The following SPATA6 variants were observed in gnomAD, a reference collection of about 807,000 sequenced individuals.
SPATA6 encodes spermatogenesis associated 6, also known as spermatogenesis-associated protein 6.
In SPATA6, 56 loss-of-function variants were observed where a neutral mutation model predicts 65.3. The observed-to-expected ratio is 0.86, with a 90% CI of 0.69 to 1.07. SPATA6 has a LOEUF of 1.07. Among genes scored for constraint, SPATA6 ranks in the 50% least tolerant of loss-of-function variants. SPATA6 has a pLI of 0.00. For missense variants in SPATA6, 590 were observed against 594.8 expected (o/e 0.99, Z 0.08); for synonymous variants, 199 against 213.2 (o/e 0.93, Z 0.58).
intron 11 of SPATA6, among the ~76,000 whole-genome samples, chr1:48,307,470 A>C (rs1207166346): frequency 6.6e-6 from 1 of 150,432 alleles, no homozygotes; most frequent in East Asian, 1.9e-4. Context: ...GAGTCCCTGT[A>C]TAGATTATTT....
Position 48,298,316 on chromosome 1 carries a change from T to C in SPATA6, c.*397A>G. On this transcript the variant is annotated 3_prime_UTR_variant, in exon 13 of 13. Transcript: ENST00000371847. The stretch of plus-strand genomic sequence containing the variant: ...ACCAAGAAAAGGTAGTCAATATTAA[T>C]TAAATCTTACACAGGCAAGATAACC... 1 of 154,228 alleles carries C rather than the reference T, an allele frequency of 6.5e-6. No homozygotes were observed. 9.6% of individuals were successfully genotyped at this position (154,228 alleles called of 1,614,324 possible). A position where few individuals can be genotyped will look rare whatever the true frequency, so the allele number is the denominator to read the frequency against.
intron 11 of SPATA6, among the ~76,000 whole-genome samples, chr1:48,340,814 C>T (rs1453489812): frequency 2.0e-5 from 3 of 151,858 alleles, no homozygotes; most frequent in Non-Finnish European, 4.4e-5. Flanking sequence ...AGTAAAAGGA[C>T]GAAAAAGAAA....
At chr1:48,286,990 G>C in the SPATA6 span, among the ~76,000 whole-genome samples, 1 of 146,114 alleles carries the variant, frequency 6.8e-6, no homozygotes. Context: ...AGTGAGCCGA[G>C]ATCACGCCAC....
At chr1:48,262,356 A>G in the SPATA6 span, 1 of 152,172 alleles carries the variant, frequency 6.6e-6, no homozygotes, top group Admixed American at 6.5e-5. Flanking sequence ...AAATGGCACC[A>G]AGGCTAAAAT....
intron 8 of SPATA6, among the ~76,000 whole-genome samples, chr1:48,392,865 T>C (rs1319686062): frequency 6.6e-6 from 1 of 151,622 alleles, no homozygotes; most frequent in Admixed American, 6.6e-5. Context: ...AAATGGTTGA[T>C]GAGAACCCAG....
Position 48,411,497 on chromosome 1 carries a change from G to T in SPATA6, c.372C>A (p.Arg124=). ...NQMSGHHDSN[R]QVTMRRISGL... is the part of the protein sequence containing the mutation. Reference sequence around the variant, plus strand: ...CAGAAATCCTCCTCATGGTAACCTGGCGGTTTGAATCATGGTGTCCAGACA... The same window carrying T: ...CAGAAATCCTCCTCATGGTAACCTGTCGGTTTGAATCATGGTGTCCAGACA... The change falls in exon 5 of 13, where the codon CGC becomes CGA. Residue 124 remains arginine (R), a synonymous_variant. Coordinates refer to ENST00000371847, the MANE Select transcript of SPATA6 (RefSeq NM_019073.4). 1 of 1,609,686 alleles carries T rather than the reference G, an allele frequency of 6.2e-7. No individual in the cohort carries two copies. The highest frequency in any genetic ancestry group is 8.5e-7 in the Non-Finnish European group (1 of 1,178,180).
chr1:48,280,470 A>G, the SPATA6 span, among the ~76,000 whole-genome samples: 1 of 152,208 alleles, frequency 6.6e-6, no homozygotes, highest in East Asian at 1.9e-4. Flanking sequence ...AGAAGAATCA[A>G]ATAGATGCAA....
intron 8 of SPATA6, among the ~76,000 whole-genome samples, chr1:48,392,241 G>C (rs559953272): frequency 1.3e-5 from 2 of 152,030 alleles, no homozygotes; most frequent in Non-Finnish European, 2.9e-5. Context: ...ACTCATAAAA[G>C]AATCTTCAAA....
intron 3 of SPATA6, chr1:48,437,039 C>G (rs373367634): frequency 2.9e-5 from 46 of 1,604,936 alleles, no homozygotes; most frequent in Middle Eastern, 3.3e-4. Flanking sequence ...GAGAAAAGGC[C>G]ATCAGCAAGC....
intron 6 of SPATA6, among the ~76,000 whole-genome samples, chr1:48,400,056 G>C (rs1292943492): frequency 6.6e-6 from 1 of 151,870 alleles, no homozygotes; most frequent in Non-Finnish European, 1.5e-5. Flanking sequence ...ATACATGCCA[G>C]ATTAGTTGAT....
intron 9 of SPATA6, among the ~76,000 whole-genome samples, chr1:48,380,877 C>T (rs748676259): frequency 6.6e-6 from 1 of 152,238 alleles, no homozygotes; most frequent in East Asian, 1.9e-4. Flanking sequence ...AAACACTATA[C>T]AGCAGCAGTC....
chr1:48,443,340 T>C (rs1485567005), intron 3 of SPATA6, among the ~76,000 whole-genome samples: 1 of 152,214 alleles, frequency 6.6e-6, no homozygotes, highest in East Asian at 1.9e-4. Flanking sequence ...ACCCTATCAG[T>C]GCCCCACAAA....
intron 11 of SPATA6, among the ~76,000 whole-genome samples, chr1:48,324,008 G>C (rs12563140): frequency 6.6e-6 from 1 of 152,060 alleles, no homozygotes; most frequent in Middle Eastern, 3.4e-3. Flanking sequence ...GGAGGACAGC[G>C]GTGTGATCAC....
intron 11 of SPATA6, among the ~76,000 whole-genome samples, chr1:48,327,441 A>G (rs1645796858): frequency 6.6e-6 from 1 of 152,184 alleles, no homozygotes; most frequent in African/African-American, 2.4e-5. Context: ...GTATGGTGAC[A>G]TGTTAAAGAA....
chr1:48,420,045 T>C (rs1210091598), intron 3 of SPATA6, among the ~76,000 whole-genome samples: 1 of 151,836 alleles, frequency 6.6e-6, no homozygotes, highest in African/African-American at 2.4e-5. Flanking sequence ...ATGATTAGAG[T>C]TGGGACTTGC....
chr1:48,349,759 G>C (rs1646466940), intron 11 of SPATA6, among the ~76,000 whole-genome samples: 1 of 151,786 alleles, frequency 6.6e-6, no homozygotes, highest in South Asian at 2.1e-4. Flanking sequence ...TTTCACTTAA[G>C]CTGTATTTAA....
chr1:48,264,038 A>T, the SPATA6 span, among the ~76,000 whole-genome samples: 1 of 152,260 alleles, frequency 6.6e-6, no homozygotes, highest in East Asian at 1.9e-4. Context: ...TATGTTGCCC[A>T]GGCTAGTATT....
At chr1:48,311,496 C>G (rs1200321751) in intron 11 of SPATA6, among the ~76,000 whole-genome samples, 1 of 152,004 alleles carries the variant, frequency 6.6e-6, no homozygotes, top group African/African-American at 2.4e-5. Flanking sequence ...ACTATTTAAA[C>G]AGATCCAAGA....
intron 10 of SPATA6, 126 bp from the exon 11 acceptor site, chr1:48,355,895 A>G: frequency 3.1e-6 from 2 of 637,984 alleles, no homozygotes; most frequent in Non-Finnish European, 5.5e-6. Flanking sequence ...ATTGGGGAGA[A>G]CATACCTATA....
Sources: allele counts gnomAD v4.1 joint callset (sites outside exome capture counted in the v4.1 genomes callset), GRCh38; gene constraint gnomAD v4.1.1; transcripts MANE v1.5; gene names NCBI Gene and HGNC (gene_info 2026-07-23, HGNC 2026-07-21).